GPAT3: variants seen among roughly 807,000 people sequenced by gnomAD.
The protein encoded by GPAT3 is glycerol-3-phosphate acyltransferase 3.
In GPAT3, 53 loss-of-function variants were observed where a neutral mutation model predicts 58.8. The ratio of observed to expected loss-of-function variants is 0.90; its 90% confidence interval spans 0.72 to 1.13. GPAT3 has a LOEUF of 1.13. GPAT3 is among the 50% of genes most tolerant of loss of function. The pLI, the probability that GPAT3 is intolerant of heterozygous loss-of-function variation, is 0.00. For synonymous variants in GPAT3, 197 were observed against 187.4 expected (o/e 1.05, Z -0.42); for missense variants, 511 against 527.6 (o/e 0.97, Z 0.31).
chr4:83,539,258 T>C (rs925084792), intron 1 of GPAT3, among the ~76,000 whole-genome samples: 1 of 152,232 alleles, frequency 6.6e-6, no homozygotes, highest in East Asian at 1.9e-4. Context: ...TTTCTGTAGA[T>C]TGCATTCAAG....
chr4:83,596,878 A>G lies in GPAT3; in HGVS notation c.875A>G (p.Asp292Gly), dbSNP rs1411257363. 3 of 1,602,236 alleles carry G rather than the reference A, an allele frequency of 1.9e-6. No individual in the cohort carries two copies. The highest frequency in any genetic ancestry group is 2.2e-5 in the East Asian group (1 of 44,806). Reference protein sequence around the residue: ...VTKRLKEHIADKKKLPILIFP... With the variant: ...VTKRLKEHIAGKKKLPILIFP... ...CATAGACTAAAAGAACATATTGCTG[A>G]TAAGAAGAAACTACCCATACTAATT... Residue 292 changes from aspartate (D) to glycine (G), a missense_variant, in exon 8 of 12, where the codon GAT becomes GGT. Coordinates refer to ENST00000264409, the MANE Select transcript of GPAT3 (RefSeq NM_032717.5).
chr4:83,539,018 T>C (rs547913021), intron 1 of GPAT3, among the ~76,000 whole-genome samples: 191 of 152,326 alleles, frequency 1.3e-3, no homozygotes, highest in African/African-American at 4.5e-3. Flanking sequence ...TCTGAGCTCA[T>C]CAGGAAAGAG....
At chr4:83,539,562 T>C (rs569480762) in intron 1 of GPAT3, among the ~76,000 whole-genome samples, 1 of 152,222 alleles carries the variant, frequency 6.6e-6, no homozygotes, top group Admixed American at 6.5e-5. Context: ...TAATTGTTAC[T>C]TGTTAACTCA....
chr4:83,567,531 G>A lies in GPAT3; in HGVS notation c.209-14031G>A, dbSNP rs76789242. 7.9e-3 allele frequency among the ~76,000 whole-genome samples: 1,209 copies of A among 152,288 alleles called. 14 individuals carry two copies. The highest frequency in any genetic ancestry group is 0.028 in the African/African-American group (1,152 of 41,560). ...CTGGAAGTTGTCTGCCAAAATTGAA[G>A]TTAGGATTTTTACAGTTGATTCTTA... is the stretch of plus-strand genomic sequence containing the variant. On this transcript the variant is annotated intron_variant, in intron 2 of 11. Transcript: ENST00000264409.
At chr4:83,599,268 C>T (rs1298307441) in intron 11 of GPAT3, among the ~76,000 whole-genome samples, 1 of 152,180 alleles carries the variant, frequency 6.6e-6, no homozygotes, top group East Asian at 1.9e-4. Context: ...TTGCTTTACT[C>T]TCCTCAATTT....
intron 1 of GPAT3, among the ~76,000 whole-genome samples, chr4:83,541,606 A>G (rs866202658): frequency 6.6e-6 from 1 of 152,088 alleles, no homozygotes; most frequent in Non-Finnish European, 1.5e-5. Flanking sequence ...CAGGAGATGG[A>G]ATGCATTCTG....
At chr4:83,597,612 C>T (rs925990701) in intron 9 of GPAT3, 97 bp downstream of exon 9, 21 of 862,256 alleles carry the variant, frequency 2.4e-5, no homozygotes, top group Admixed American at 6.4e-5. Flanking sequence ...TTTGCAAGAA[C>T]GAGGAACACC....
intron 2 of GPAT3, among the ~76,000 whole-genome samples, chr4:83,571,820 T>C (rs1725621885): frequency 6.6e-6 from 1 of 151,962 alleles, no homozygotes; most frequent in Non-Finnish European, 1.5e-5. Flanking sequence ...TTATCCAGGC[T>C]GGAGTGCAGT....
chr4:83,562,215 A>ATATATAATATATATATAT (rs1560611124), intron 2 of GPAT3, among the ~76,000 whole-genome samples: 3 of 21,928 alleles, frequency 1.4e-4, no homozygotes, highest in African/African-American at 9.4e-4. Flanking sequence ...TATATATTAT[A>ATATATAATATATATATAT]TATATATATA....
At chr4:83,578,306 C>T (rs1481661767) in intron 2 of GPAT3, among the ~76,000 whole-genome samples, 5 of 151,994 alleles carry the variant, frequency 3.3e-5, no homozygotes, top group Admixed American at 6.6e-5. Context: ...AATCCTTTGT[C>T]GGCTAGATAA....
intron 3 of GPAT3, among the ~76,000 whole-genome samples, chr4:83,584,055 A>G (rs1349628522): frequency 6.6e-6 from 1 of 152,156 alleles, no homozygotes; most frequent in African/African-American, 2.4e-5. Context: ...ATCCAAGGTA[A>G]CCTGAAGGAA....
At chr4:83,603,878 T>C (rs1260156863) in intron 11 of GPAT3, among the ~76,000 whole-genome samples, 1 of 151,978 alleles carries the variant, frequency 6.6e-6, no homozygotes, top group Admixed American at 6.6e-5. Context: ...TTTTGAATAA[T>C]CATTTATCTT....
intron 1 of GPAT3, among the ~76,000 whole-genome samples, chr4:83,543,095 T>TTTGA (rs1724369022): frequency 6.6e-6 from 1 of 151,838 alleles, no homozygotes; most frequent in Non-Finnish European, 1.5e-5. Flanking sequence ...AGCTCAGGAG[T>TTTGA]TTGAGTACAG....
chr4:83,604,910 G>A lies in GPAT3; in HGVS notation c.*143G>A, dbSNP rs189239336. On this transcript the variant is annotated 3_prime_UTR_variant, in exon 12 of 12. Coordinates refer to ENST00000264409, the MANE Select transcript of GPAT3 (RefSeq NM_032717.5). ...TTGTCTCTACCTCTTTATGCCAGAG[G>A]CAGAACCTACAGGTGCCCTTTTTGG... is the stretch of plus-strand genomic sequence containing the variant. 1.3e-3 allele frequency: 943 copies of A among 708,118 alleles called. 3 individuals are homozygous for A. Among genetic ancestry groups the A allele is most frequent in the Non-Finnish European group, 1.6e-3 (691 of 442,072 alleles). 43.9% of individuals were successfully genotyped at this position (708,118 alleles called of 1,614,324 possible). A position where few individuals can be genotyped will look rare whatever the true frequency, so the allele number is the denominator to read the frequency against.
intron 2 of GPAT3, among the ~76,000 whole-genome samples, chr4:83,576,473 C>T (rs1725822193): frequency 6.7e-6 from 1 of 148,660 alleles, no homozygotes; most frequent in Non-Finnish European, 1.5e-5. Context: ...AGACAGAGTC[C>T]CACTCTGTCA....
chr4:83,587,391 AAAGAG>A, intron 4 of GPAT3, 62 bp downstream of exon 4: 1 of 1,395,942 alleles, frequency 7.2e-7, no homozygotes, highest in Non-Finnish European at 1.0e-6. Context: ...CTGTGTCCAC[AAAGAG>A]AATATTTGTT....
chr4:83,559,671 A>G (rs1725061441), intron 2 of GPAT3, among the ~76,000 whole-genome samples: 1 of 152,180 alleles, frequency 6.6e-6, no homozygotes, highest in Non-Finnish European at 1.5e-5. Flanking sequence ...AGCAAGTAGC[A>G]ACAATCGTTC....
chr4:83,596,818 C>G (rs753545204), intron 7 of GPAT3, 40 bp from the exon 8 acceptor site: 24 of 1,538,846 alleles, frequency 1.6e-5, no homozygotes, highest in Non-Finnish European at 2.2e-5. Context: ...CCACCTCTCT[C>G]TTTATAAAGG....
At position 83,544,424 on chromosome 4, in the gene GPAT3, T is replaced by C. The variant is rs148408619; in HGVS notation, c.142-112T>C. On this transcript the variant is annotated intron_variant, in intron 1 of 11. Coordinates refer to ENST00000264409, the MANE Select transcript of GPAT3 (RefSeq NM_032717.5). ...GATTCCCTGGGGTTAGCTCTTTAGT[T>C]CAGACACTGCCAGAGCTTGATGTGT... 77 of 1,093,398 alleles carry C rather than the reference T, an allele frequency of 7.0e-5. 1 individual carries two copies. In the African/African-American group the frequency reaches 9.9e-4, roughly 14 times the overall value. 67.7% of individuals were successfully genotyped at this position (1,093,398 alleles called of 1,614,324 possible). A position where few individuals can be genotyped will look rare whatever the true frequency, so the allele number is the denominator to read the frequency against.
Sources: gnomAD v4.1 joint callset for allele counts (sites outside exome capture counted in the v4.1 genomes callset) on GRCh38, gnomAD v4.1.1 for gene constraint, MANE v1.5 for transcripts, NCBI Gene and HGNC (gene_info 2026-07-23, HGNC 2026-07-21) for gene names.